ARMC9: variants seen among roughly 807,000 people sequenced by gnomAD.
ARMC9 encodes the protein lisH domain-containing protein ARMC9.
ARMC9 carries 94 observed loss-of-function variants against 107.0 expected under a neutral mutation model. That is an observed-to-expected ratio of 0.88 (90% CI 0.74 to 1.04). The LOEUF (loss-of-function observed/expected upper bound fraction) is 1.04. Among genes scored for constraint, ARMC9 ranks in the 50% least tolerant of loss-of-function variants. The pLI is 0.00. For synonymous variants in ARMC9, 380 were observed against 396.9 expected (o/e 0.96, Z 0.51); for missense variants, 942 against 1,030.1 (o/e 0.91, Z 1.17).
rs2042021151 is a variant in ARMC9 at position 231,306,093 on chromosome 2, A to C, written c.1773+9840A>C. ...ATTGACATCTGTAAAACTGAGGGAA[A>C]GACAGCTTTCATCATATTTATTTTT... On this transcript the variant is annotated intron_variant, in intron 19 of 24. Coordinates refer to ENST00000611582, the MANE Select transcript of ARMC9 (RefSeq NM_001352754.2). 2.0e-5 allele frequency among the ~76,000 whole-genome samples: 3 copies of C among 152,230 alleles called. No individual in the cohort carries two copies. In the South Asian group the frequency reaches 6.2e-4, roughly 32 times the overall value.
intron 19 of ARMC9, among the ~76,000 whole-genome samples, chr2:231,323,160 A>G (rs937631855): frequency 6.6e-6 from 1 of 152,102 alleles, no homozygotes; most frequent in East Asian, 1.9e-4. Flanking sequence ...CTGCACTCCA[A>G]CGTGAGCTAC....
intron 1 of ARMC9, among the ~76,000 whole-genome samples, chr2:231,201,493 C>T (rs767855028): frequency 7.9e-5 from 12 of 152,244 alleles, no homozygotes; most frequent in Non-Finnish European, 1.5e-4. Flanking sequence ...CCATCCTCCT[C>T]ATCTGCCCAC....
chr2:231,240,071 C>G, intron 9 of ARMC9, 30 bp downstream of exon 9: 2 of 1,556,238 alleles, frequency 1.3e-6, no homozygotes, highest in South Asian at 1.1e-5. Context: ...GCAGGGTGCC[C>G]GTGGTCTATC....
intron 24 of ARMC9, chr2:231,370,644 G>T: frequency 6.3e-6 from 1 of 159,978 alleles, no homozygotes; most frequent in Non-Finnish European, 1.4e-5. Flanking sequence ...CCTGAAGATG[G>T]GATGGGCCCA....
At chr2:231,219,698 T>G (rs10202295) in intron 5 of ARMC9, among the ~76,000 whole-genome samples, 43,641 of 152,038 alleles carry the variant, frequency 0.29, 6,613 homozygotes, top group African/African-American at 0.37. Flanking sequence ...AATTAGTATC[T>G]CTTTGTATAG....
intron 1 of ARMC9, among the ~76,000 whole-genome samples, chr2:231,199,112 A>C (rs900987851): frequency 2.6e-5 from 4 of 152,222 alleles, no homozygotes; most frequent in Admixed American, 2.6e-4. Flanking sequence ...GACTTCACCT[A>C]ATCTTAGGAA....
At chr2:231,364,916 T>G (rs540220753) in intron 23 of ARMC9, among the ~76,000 whole-genome samples, 182 of 152,348 alleles carry the variant, frequency 1.2e-3, no homozygotes, top group African/African-American at 4.2e-3. Context: ...CTTCAGGCAG[T>G]GCCTGTGTTG....
chr2:231,270,957 T>C (rs2039272132), intron 12 of ARMC9, 25 bp from the exon 13 acceptor site: 3 of 1,609,580 alleles, frequency 1.9e-6, no homozygotes, highest in African/African-American at 2.7e-5. Context: ...TTAACCTTGT[T>C]TTTCCTCTTG....
chr2:231,236,869 G>A (rs1308644230), intron 8 of ARMC9, among the ~76,000 whole-genome samples: 5 of 152,150 alleles, frequency 3.3e-5, no homozygotes, highest in Admixed American at 6.5e-5. Context: ...TCTTGAACCC[G>A]GCTGGCAGAG....
At chr2:231,207,426 T>C (rs966866793) in intron 2 of ARMC9, among the ~76,000 whole-genome samples, 1 of 151,766 alleles carries the variant, frequency 6.6e-6, no homozygotes, top group Non-Finnish European at 1.5e-5. Flanking sequence ...TCCCAAAGTG[T>C]TGGGATTACA....
In ARMC9 at chr2:231,276,723, C is replaced by T; in HGVS notation, c.1422C>T (p.Tyr474=). Residue 474 remains tyrosine (Y), a synonymous_variant, in exon 15 of 25, where the codon TAC becomes TAT. Coordinates refer to ENST00000611582, the MANE Select transcript of ARMC9 (RefSeq NM_001352754.2). ...VLKDPDCLSD[Y]TLEYSVALLM... is the part of the protein sequence containing the mutation. ...AGGACCCTGACTGCCTGTCTGACTACACGCTGGAGTACTCGGTGGCTTTGC... is the reference window on the plus strand; with the variant it reads ...AGGACCCTGACTGCCTGTCTGACTATACGCTGGAGTACTCGGTGGCTTTGC... 1 of 1,614,200 alleles carries T rather than the reference C, an allele frequency of 6.2e-7. No homozygotes were observed. The highest frequency in any genetic ancestry group is 8.5e-7 in the Non-Finnish European group (1 of 1,180,044).
At chr2:231,303,793 C>T (rs752435172) in intron 19 of ARMC9, among the ~76,000 whole-genome samples, 7 of 152,040 alleles carry the variant, frequency 4.6e-5, no homozygotes, top group South Asian at 2.1e-4. Context: ...AAAAATTAGC[C>T]GGGTGTGATG....
chr2:231,314,757 A>G (rs941341134), intron 19 of ARMC9, among the ~76,000 whole-genome samples: 2 of 152,198 alleles, frequency 1.3e-5, no homozygotes, highest in African/African-American at 4.8e-5. Context: ...ATTTTCTTTT[A>G]TGTTTCCTTC....
chr2:231,215,073 A>G (rs1401059439), intron 4 of ARMC9, 72 bp downstream of exon 4: 4 of 1,518,578 alleles, frequency 2.6e-6, no homozygotes, highest in Admixed American at 1.8e-5. Flanking sequence ...CATTGTCCAC[A>G]TGGGCATGGA....
Position 231,272,620 on chromosome 2 carries a change from A to G in ARMC9, c.1211-335A>G, listed in dbSNP as rs571666951. On this transcript the variant is annotated intron_variant, in intron 13 of 24. Transcript: ENST00000611582. ...GCAACCTGCCTCCTGGGGTCTAGCA[A>G]TTCTCCTGCCTCAGCCTCCCGAGTA... 1.5e-4 allele frequency among the ~76,000 whole-genome samples: 23 copies of G among 152,058 alleles called. No individual in the cohort carries two copies. The East Asian group carries it at 4.1e-3, about 27-fold the overall frequency.
Position 231,309,309 on chromosome 2 carries a change from T to G in ARMC9, c.1773+13056T>G, listed in dbSNP as rs543521102. Among the ~76,000 whole-genome samples, 18 of 152,328 alleles carry G rather than the reference T, an allele frequency of 1.2e-4. No homozygotes were observed. The South Asian group carries it at 3.7e-3, about 32-fold the overall frequency. On this transcript the variant is annotated intron_variant, in intron 19 of 24. Transcript: ENST00000611582. ...TAAACCCTATTTGTCCAACATCGGTTGCCTTGGAAACAGGTGCAGAAAAGG... is the reference window on the plus strand; with the variant it reads ...TAAACCCTATTTGTCCAACATCGGTGGCCTTGGAAACAGGTGCAGAAAAGG...
intron 5 of ARMC9, among the ~76,000 whole-genome samples, chr2:231,221,061 G>A (rs1196281052): frequency 6.6e-6 from 1 of 152,202 alleles, no homozygotes; most frequent in Non-Finnish European, 1.5e-5. Flanking sequence ...CAGGCCAGAT[G>A]CCTTAAGACA....
At chr2:231,282,203 C>A (rs2040268383) in intron 17 of ARMC9, 70 bp downstream of exon 17, 1 of 1,496,600 alleles carries the variant, frequency 6.7e-7, no homozygotes, top group Non-Finnish European at 9.3e-7. Flanking sequence ...TAGAGCAAGA[C>A]CTCCTTGATT....
At chr2:231,248,917 G>C (rs2037036009) in intron 9 of ARMC9, among the ~76,000 whole-genome samples, 1 of 151,732 alleles carries the variant, frequency 6.6e-6, no homozygotes, top group Non-Finnish European at 1.5e-5. Context: ...CCCTGGCTGA[G>C]ATATTGCCTC....
Sources: gnomAD v4.1 joint callset for allele counts (sites outside exome capture counted in the v4.1 genomes callset) on GRCh38, gnomAD v4.1.1 for gene constraint, MANE v1.5 for transcripts, NCBI Gene and HGNC (gene_info 2026-07-23, HGNC 2026-07-21) for gene names.